The following ADAMTS12 variants were observed in gnomAD, a reference collection of about 807,000 sequenced individuals.
ADAMTS12 encodes the protein A disintegrin and metalloproteinase with thrombospondin motifs 12.
A neutral mutation model predicts 167.8 loss-of-function variants in ADAMTS12; 118 were observed. The ratio of observed to expected loss-of-function variants is 0.70; its 90% CI spans 0.61 to 0.82. The LOEUF is 0.82. Among genes scored for constraint, ADAMTS12 ranks in the 40% least tolerant of loss-of-function variants. The pLI, the probability that ADAMTS12 is intolerant of heterozygous loss-of-function variation, is 0.00. For missense variants in ADAMTS12, 1,916 were observed against 1,998.8 expected (o/e 0.96, Z 0.79); for synonymous variants, 704 against 716.9 (o/e 0.98, Z 0.29).
intron 22 of ADAMTS12, among the ~76,000 whole-genome samples, chr5:33,536,521 T>C (rs1043098196): frequency 6.6e-6 from 1 of 152,238 alleles, no homozygotes; most frequent in African/African-American, 2.4e-5. Context: ...GCCTTCTGCC[T>C]ATTTAGTGGA....
chr5:33,727,684 C>A (rs189775182), intron 3 of ADAMTS12, among the ~76,000 whole-genome samples: 1 of 152,292 alleles, frequency 6.6e-6, no homozygotes, highest in South Asian at 2.1e-4. Flanking sequence ...TGTATGCATC[C>A]TGTTCCCTGG....
intron 13 of ADAMTS12, among the ~76,000 whole-genome samples, chr5:33,628,350 G>A (rs1311270134): frequency 2.0e-5 from 3 of 151,904 alleles, no homozygotes; most frequent in Non-Finnish European, 4.4e-5. Context: ...ATGTCATCCT[G>A]GTAATTTAAA....
At chr5:33,824,575 G>A (rs1225513494) in intron 2 of ADAMTS12, among the ~76,000 whole-genome samples, 1 of 152,144 alleles carries the variant, frequency 6.6e-6, no homozygotes, top group African/African-American at 2.4e-5. Flanking sequence ...TCCAGACCAG[G>A]AGTGTAAAGC....
chr5:33,763,351 G>A (rs542659938), intron 2 of ADAMTS12, among the ~76,000 whole-genome samples: 1 of 152,304 alleles, frequency 6.6e-6, no homozygotes, highest in South Asian at 2.1e-4. Flanking sequence ...GGGGCAAGAG[G>A]CTGGAGTGAT....
At chr5:33,671,249 G>T (rs1450888654) in intron 5 of ADAMTS12, among the ~76,000 whole-genome samples, 3 of 152,054 alleles carry the variant, frequency 2.0e-5, no homozygotes, top group East Asian at 1.9e-4. Context: ...TGTGGTGATG[G>T]TCACACAAAC....
At chr5:33,623,322 G>A (rs946140098) in intron 14 of ADAMTS12, among the ~76,000 whole-genome samples, 2 of 152,170 alleles carry the variant, frequency 1.3e-5, no homozygotes, top group African/African-American at 4.8e-5. Context: ...GGAATCCAGA[G>A]AATTAACAGT....
intron 2 of ADAMTS12, among the ~76,000 whole-genome samples, chr5:33,859,529 C>T (rs1466800175): frequency 6.6e-6 from 1 of 152,238 alleles, no homozygotes; most frequent in African/African-American, 2.4e-5. Context: ...ATAGATATAA[C>T]TCCCATCTCC....
intron 22 of ADAMTS12, among the ~76,000 whole-genome samples, chr5:33,538,573 A>G (rs1179882052): frequency 6.6e-6 from 1 of 151,756 alleles, no homozygotes; most frequent in African/African-American, 2.4e-5. Flanking sequence ...CTAAGGGGAG[A>G]CTCCACCAAA....
Position 33,844,820 on chromosome 5 carries a change from G to A in ADAMTS12, c.489+36299C>T, listed in dbSNP as rs531291268. ...CTTGTGGGGCATCACGGAACCTACCGAAATGTGATGCCTCCCCCGGACGCC... is the reference window on the plus strand; with the variant it reads ...CTTGTGGGGCATCACGGAACCTACCAAAATGTGATGCCTCCCCCGGACGCC... On this transcript the variant is annotated intron_variant, in intron 2 of 23. Coordinates refer to ENST00000504830, the MANE Select transcript of ADAMTS12 (RefSeq NM_030955.4). 1.4e-4 allele frequency among the ~76,000 whole-genome samples: 22 copies of A among 152,162 alleles called. No homozygotes were observed. The East Asian group carries it at 3.1e-3, about 21-fold the overall frequency.
At chr5:33,631,868 A>G (rs1206709756) in intron 12 of ADAMTS12, among the ~76,000 whole-genome samples, 2 of 152,112 alleles carry the variant, frequency 1.3e-5, no homozygotes, top group Non-Finnish European at 2.9e-5. Flanking sequence ...TAGTTCCTTC[A>G]TTGTGTGATC....
chr5:33,707,808 T>C (rs1250089442), intron 3 of ADAMTS12, among the ~76,000 whole-genome samples: 1 of 152,202 alleles, frequency 6.6e-6, no homozygotes, highest in African/African-American at 2.4e-5. Flanking sequence ...TAACTCAAGA[T>C]GGATGAAGGA....
Position 33,649,388 on chromosome 5 carries a change from A to T in ADAMTS12, c.1334+166T>A, listed in dbSNP as rs559246232. ...GGGCAGAGCCCATCTAGACCTCAGG[A>T]TCAGAATGCAGAAGTGAAATCCGCC... is the stretch of plus-strand genomic sequence containing the variant. On this transcript the variant is annotated intron_variant, in intron 8 of 23. Coordinates refer to ENST00000504830, the MANE Select transcript of ADAMTS12 (RefSeq NM_030955.4). Among the ~76,000 whole-genome samples, 164 of 152,310 alleles carry T rather than the reference A, an allele frequency of 1.1e-3. 1 individual carries two copies. The highest frequency in any genetic ancestry group is 1.7e-3 in the Non-Finnish European group (118 of 68,024).
chr5:33,630,980 C>T, intron 12 of ADAMTS12, 67 bp from the exon 13 acceptor site: 1 of 1,581,244 alleles, frequency 6.3e-7, no homozygotes, highest in Non-Finnish European at 8.6e-7. Context: ...CCCCAGGATT[C>T]CTCCGTACTT....
intron 2 of ADAMTS12, among the ~76,000 whole-genome samples, chr5:33,831,639 T>C (rs754129598): frequency 2.0e-5 from 3 of 152,234 alleles, no homozygotes; most frequent in African/African-American, 2.4e-5. Context: ...AATCACATGA[T>C]TGTAACAAGC....
intron 2 of ADAMTS12, among the ~76,000 whole-genome samples, chr5:33,868,642 T>C (rs1025231957): frequency 1.3e-5 from 2 of 152,204 alleles, no homozygotes; most frequent in South Asian, 2.1e-4. Context: ...TAGCAACCTA[T>C]GCTTATACTG....
chr5:33,571,079 C>G (rs1490132347), intron 19 of ADAMTS12, among the ~76,000 whole-genome samples: 1 of 152,128 alleles, frequency 6.6e-6, no homozygotes, highest in Non-Finnish European at 1.5e-5. Flanking sequence ...AATACAGGAG[C>G]ACCCAGATTC....
intron 3 of ADAMTS12, among the ~76,000 whole-genome samples, chr5:33,695,419 G>A (rs1218629714): frequency 3.3e-5 from 5 of 152,098 alleles, no homozygotes; most frequent in East Asian, 1.9e-4. Flanking sequence ...TCAGTAAATC[G>A]TGACATAGAG....
intron 3 of ADAMTS12, among the ~76,000 whole-genome samples, chr5:33,699,330 T>C (rs566169874): frequency 6.8e-4 from 103 of 151,962 alleles, no homozygotes; most frequent in Middle Eastern, 3.4e-3. Flanking sequence ...TCTTCTCGAC[T>C]AAGATGTTAT....
intron 5 of ADAMTS12, among the ~76,000 whole-genome samples, chr5:33,667,599 G>A (rs970158663): frequency 6.6e-6 from 1 of 152,110 alleles, no homozygotes; most frequent in Non-Finnish European, 1.5e-5. Flanking sequence ...AACAAACTCT[G>A]TTTAGAGCCC....
Sources: allele counts gnomAD v4.1 joint callset (sites outside exome capture counted in the v4.1 genomes callset), GRCh38; gene constraint gnomAD v4.1.1; transcripts MANE v1.5; gene names NCBI Gene and HGNC (gene_info 2026-07-23, HGNC 2026-07-21).